Variants in ULK4 observed in about 807,000 individuals in gnomAD.
The protein encoded by ULK4 is inactive serine/threonine-protein kinase ULK4.
A neutral mutation model predicts 160.6 loss-of-function variants in ULK4; 133 were observed. The observed-to-expected ratio is 0.83, with a 90% confidence interval of 0.72 to 0.96. The LOEUF (loss-of-function observed/expected upper bound fraction) is 0.96, where lower values mean the gene tolerates loss of function less well. Ranked by LOEUF, ULK4 falls within the 40% of genes least tolerant of loss-of-function variation. The pLI, the probability that ULK4 is intolerant of heterozygous loss-of-function variation, is 0.00. For missense variants in ULK4, 1,580 were observed against 1,499.5 expected (o/e 1.05, Z -0.89); for synonymous variants, 534 against 539.8 (o/e 0.99, Z 0.15).
At chr3:41,594,589 A>G (rs1305214644) in intron 31 of ULK4, among the ~76,000 whole-genome samples, 1 of 152,194 alleles carries the variant, frequency 6.6e-6, no homozygotes, top group East Asian at 1.9e-4. Flanking sequence ...TGAAGAATAC[A>G]GGTGAAGGGG....
At chr3:41,681,868 C>A in intron 27 of ULK4, 64 bp from the exon 28 acceptor site, 1 of 1,568,612 alleles carries the variant, frequency 6.4e-7, no homozygotes, top group Non-Finnish European at 8.7e-7. Context: ...CAACCACTAT[C>A]TATATTTTTT....
chr3:41,847,793 T>A (rs2042106655), intron 17 of ULK4, among the ~76,000 whole-genome samples: 1 of 152,202 alleles, frequency 6.6e-6, no homozygotes, highest in African/African-American at 2.4e-5. Flanking sequence ...TGCTGTGTAT[T>A]TGATTAAGCC....
At chr3:41,603,493 G>A (rs2032217267) in intron 31 of ULK4, among the ~76,000 whole-genome samples, 1 of 152,110 alleles carries the variant, frequency 6.6e-6, no homozygotes, top group Admixed American at 6.6e-5. Context: ...TCAAGCAACA[G>A]GATCTAACCA....
At chr3:41,808,671 T>C (rs951982034) in intron 19 of ULK4, among the ~76,000 whole-genome samples, 8 of 152,352 alleles carry the variant, frequency 5.3e-5, no homozygotes, top group African/African-American at 1.4e-4. Context: ...GTTTTAATGG[T>C]GTTAAATAGA....
chr3:41,645,541 A>C (rs1575522392), intron 30 of ULK4, among the ~76,000 whole-genome samples: 1 of 152,234 alleles, frequency 6.6e-6, no homozygotes. Context: ...GTTTGATTGC[A>C]CTGTGGTCTG....
At chr3:41,712,187 A>G (rs4408846) in intron 25 of ULK4, among the ~76,000 whole-genome samples, 39,703 of 152,134 alleles carry the variant, frequency 0.26, 6,586 homozygotes, top group African/African-American at 0.47. Context: ...GAATTTTTGT[A>G]CCAAAAAAAC....
At chr3:41,262,001 G>A (rs528864585) in intron 35 of ULK4, among the ~76,000 whole-genome samples, 1 of 152,328 alleles carries the variant, frequency 6.6e-6, no homozygotes, top group South Asian at 2.1e-4. Context: ...TCACACGTTA[G>A]AGACAGGGTG....
At chr3:41,543,453 G>C (rs1048195611) in intron 32 of ULK4, among the ~76,000 whole-genome samples, 1 of 152,134 alleles carries the variant, frequency 6.6e-6, no homozygotes, top group Admixed American at 6.6e-5. Context: ...GTGTGTGGAA[G>C]AGACAGAATC....
At chr3:41,463,789 T>G (rs1485787709) in intron 32 of ULK4, among the ~76,000 whole-genome samples, 1 of 152,190 alleles carries the variant, frequency 6.6e-6, no homozygotes, top group Non-Finnish European at 1.5e-5. Flanking sequence ...TGGTTGGTCT[T>G]TACTGATGTT....
chr3:41,878,675 T>TAA (rs33987084), intron 17 of ULK4, among the ~76,000 whole-genome samples: 1,892 of 95,850 alleles, frequency 0.02, 40 homozygotes, highest in African/African-American at 0.046. Context: ...TTAAAACTGT[T>TAA]AAAAAAAAAA....
At chr3:41,464,978 C>G (rs1163446799) in intron 32 of ULK4, among the ~76,000 whole-genome samples, 1 of 152,194 alleles carries the variant, frequency 6.6e-6, no homozygotes, top group Non-Finnish European at 1.5e-5. Context: ...TTCCAGTCTA[C>G]TGTGTAAAAA....
chr3:41,705,396 A>G (rs967162367), intron 25 of ULK4, 91 bp from the exon 26 acceptor site: 23 of 848,802 alleles, frequency 2.7e-5, no homozygotes, highest in South Asian at 2.2e-4. Flanking sequence ...AACTGTACCT[A>G]TTGTTTTTAA....
At chr3:41,845,664 A>G (rs1031704078) in intron 17 of ULK4, among the ~76,000 whole-genome samples, 1 of 152,168 alleles carries the variant, frequency 6.6e-6, no homozygotes, top group Non-Finnish European at 1.5e-5. Flanking sequence ...AGACATTATC[A>G]TGAAGGAAAA....
chr3:41,255,437 C>T (rs908934049), intron 35 of ULK4, among the ~76,000 whole-genome samples: 3 of 152,122 alleles, frequency 2.0e-5, no homozygotes, highest in Non-Finnish European at 2.9e-5. Context: ...GAGCTGAGAT[C>T]GTGCCATTGC....
chr3:41,517,072 G>A (rs375299424), intron 32 of ULK4, among the ~76,000 whole-genome samples: 1 of 152,100 alleles, frequency 6.6e-6, no homozygotes, highest in African/African-American at 2.4e-5. Context: ...GATCTGAACA[G>A]ATACCTCAAC....
At chr3:41,752,423 A>G (rs1223571555) in intron 22 of ULK4, among the ~76,000 whole-genome samples, 1 of 152,182 alleles carries the variant, frequency 6.6e-6, no homozygotes, top group Non-Finnish European at 1.5e-5. Context: ...TAAAACAACC[A>G]AAAAATAGCC....
chr3:41,846,213 T>C (rs2042065725), intron 17 of ULK4, among the ~76,000 whole-genome samples: 1 of 152,168 alleles, frequency 6.6e-6, no homozygotes, highest in Non-Finnish European at 1.5e-5. Flanking sequence ...CTCAAGGTTA[T>C]TTGTATAGAT....
At chr3:41,731,128 A>G in intron 22 of ULK4, among the ~76,000 whole-genome samples, 1 of 152,126 alleles carries the variant, frequency 6.6e-6, no homozygotes, top group East Asian at 1.9e-4. Flanking sequence ...TAAATTTAGA[A>G]CAAGACAAGG....
chr3:41,612,977 G>A (rs2032756632), intron 31 of ULK4, among the ~76,000 whole-genome samples: 1 of 152,180 alleles, frequency 6.6e-6, no homozygotes, highest in Admixed American at 6.5e-5. Context: ...GTCATCAGGA[G>A]GTCACAGTAG....
Sources: gnomAD v4.1 joint callset for allele counts (sites outside exome capture counted in the v4.1 genomes callset) on GRCh38, gnomAD v4.1.1 for gene constraint, MANE v1.5 for transcripts, NCBI Gene and HGNC (gene_info 2026-07-23, HGNC 2026-07-21) for gene names.